Variants in MALRD1 observed in about 807,000 individuals in gnomAD.
MALRD1 encodes the protein MAM and LDL receptor class A domain containing 1.
Under a neutral mutation model 242.1 loss-of-function variants are expected in MALRD1, and 247 were observed. The observed-to-expected ratio is 1.02, with a 90% CI of 0.92 to 1.13. MALRD1 has a LOEUF of 1.13. Ranked by LOEUF, MALRD1 falls within the 50% of genes most tolerant of loss-of-function variation. MALRD1 has a pLI of 0.00. For missense variants in MALRD1, 2,989 were observed against 2,533.1 expected (o/e 1.18, Z -3.86); for synonymous variants, 995 against 866.6 (o/e 1.15, Z -2.60).
chr10:19,334,119 GTTTTTTT>G (rs56931838), intron 24 of MALRD1, among the ~76,000 whole-genome samples: 7 of 66,790 alleles, frequency 1.0e-4, no homozygotes, highest in Admixed American at 2.2e-4. Context: ...CTGTTGGTAG[GTTTTTTT>G]TTTTTTTTTT....
rs78466964 is a variant in MALRD1 at position 19,507,174 on chromosome 10, T to C, written c.5320+8528T>C. Among the ~76,000 whole-genome samples, 889 of 152,138 alleles carry C rather than the reference T, an allele frequency of 5.8e-3. 14 individuals carry two copies. The highest frequency in any genetic ancestry group is 0.023 in the Admixed American group (347 of 15,282). The stretch of plus-strand genomic sequence containing the variant: ...GCCATAAGGGAGGGATCTTCCGCCA[T>C]GATCCAGTCACCTCTCACCAGGCCC... On this transcript the variant is annotated intron_variant, in intron 31 of 39. Coordinates refer to ENST00000454679, the MANE Select transcript of MALRD1 (RefSeq NM_001142308.3).
chr10:19,369,386 A>T (rs1038524493), intron 26 of MALRD1, among the ~76,000 whole-genome samples: 2 of 81,788 alleles, frequency 2.4e-5, no homozygotes, highest in African/African-American at 1.2e-4. Flanking sequence ...ATATTGAAAT[A>T]TATTTATATA....
At chr10:19,450,761 G>T (rs1835278610) in intron 29 of MALRD1, among the ~76,000 whole-genome samples, 1 of 152,194 alleles carries the variant, frequency 6.6e-6, no homozygotes, top group African/African-American at 2.4e-5. Context: ...AGGCTGGGAA[G>T]TCCAAGATCA....
At chr10:19,248,884 C>A (rs1391841784) in intron 18 of MALRD1, among the ~76,000 whole-genome samples, 3 of 148,102 alleles carry the variant, frequency 2.0e-5, no homozygotes. Context: ...AGATATATAA[C>A]ATATATGATA....
At chr10:19,443,594 G>C (rs904790419) in intron 28 of MALRD1, among the ~76,000 whole-genome samples, 1 of 152,180 alleles carries the variant, frequency 6.6e-6, no homozygotes, top group Non-Finnish European at 1.5e-5. Flanking sequence ...TAGTCATTCA[G>C]GAGCAGGTTG....
At chr10:19,081,877 A>C (rs1835502471) in intron 2 of MALRD1, among the ~76,000 whole-genome samples, 1 of 152,024 alleles carries the variant, frequency 6.6e-6, no homozygotes, top group African/African-American at 2.4e-5. Flanking sequence ...TTTTACTTTT[A>C]ACCTTTTTCT....
intron 28 of MALRD1, among the ~76,000 whole-genome samples, chr10:19,420,106 G>A (rs545102669): frequency 6.6e-6 from 1 of 152,296 alleles, no homozygotes; most frequent in South Asian, 2.1e-4. Context: ...GGACAAGGGA[G>A]GGGAAGGGGT....
chr10:19,104,884 T>C (rs1452502058), intron 5 of MALRD1, among the ~76,000 whole-genome samples: 1 of 152,032 alleles, frequency 6.6e-6, no homozygotes, highest in African/African-American at 2.4e-5. Flanking sequence ...TTGAAAAGTT[T>C]TATTTTATTT....
At chr10:19,113,907 A>T (rs1344807215) in intron 5 of MALRD1, among the ~76,000 whole-genome samples, 1 of 151,994 alleles carries the variant, frequency 6.6e-6, no homozygotes, top group Non-Finnish European at 1.5e-5. Context: ...CATAGTTCCT[A>T]CCCTGTCTAA....
At chr10:19,356,000 A>T (rs1201020453) in intron 26 of MALRD1, among the ~76,000 whole-genome samples, 1 of 150,582 alleles carries the variant, frequency 6.6e-6, no homozygotes. Flanking sequence ...TTTTAAGCAG[A>T]GTGTAATTCG....
At chr10:19,442,280 C>T (rs1417131943) in intron 28 of MALRD1, among the ~76,000 whole-genome samples, 1 of 152,186 alleles carries the variant, frequency 6.6e-6, no homozygotes, top group Non-Finnish European at 1.5e-5. Flanking sequence ...CATCTGCAAA[C>T]AGGGACAATT....
chr10:19,387,910 GT>G (rs893426958), intron 27 of MALRD1, 137 bp downstream of exon 27: 22 of 1,127,648 alleles, frequency 2.0e-5, no homozygotes, highest in Non-Finnish European at 2.5e-5. Flanking sequence ...TTTAGTGAGT[GT>G]TTTTTTTCTT....
intron 2 of MALRD1, among the ~76,000 whole-genome samples, chr10:19,081,362 C>A (rs1462233954): frequency 6.6e-6 from 1 of 152,066 alleles, no homozygotes; most frequent in African/African-American, 2.4e-5. Context: ...ATGGAACTAA[C>A]CCAAATGCCC....
chr10:19,627,039 A>G (rs553501810), intron 36 of MALRD1, among the ~76,000 whole-genome samples: 38 of 152,284 alleles, frequency 2.5e-4, no homozygotes, highest in African/African-American at 7.7e-4. Flanking sequence ...AAAGTCTACA[A>G]ATAGCTTAAC....
chr10:19,183,963 T>A (rs1019653726), intron 14 of MALRD1, among the ~76,000 whole-genome samples: 10 of 152,276 alleles, frequency 6.6e-5, no homozygotes, highest in Non-Finnish European at 1.3e-4. Flanking sequence ...TGTTAAATTA[T>A]CTCTGATTTT....
At chr10:19,106,680 G>A (rs577227451) in intron 5 of MALRD1, among the ~76,000 whole-genome samples, 69 of 151,776 alleles carry the variant, frequency 4.5e-4, no homozygotes, top group Non-Finnish European at 8.9e-4. Flanking sequence ...CTAATTTGGG[G>A]TTTAGTTTCT....
intron 5 of MALRD1, among the ~76,000 whole-genome samples, chr10:19,112,212 T>A (rs1324581644): frequency 3.3e-5 from 5 of 151,476 alleles, no homozygotes; most frequent in African/African-American, 1.2e-4. Context: ...GACTAGCATT[T>A]GGGAACCACA....
chr10:19,596,646 G>T (rs1838113045), intron 34 of MALRD1, among the ~76,000 whole-genome samples: 2 of 151,946 alleles, frequency 1.3e-5, no homozygotes, highest in Admixed American at 1.3e-4. Context: ...TGGAAGGATT[G>T]CTTGGGCCCA....
At chr10:19,723,317 C>T (rs1834857208) in intron 38 of MALRD1, among the ~76,000 whole-genome samples, 1 of 152,148 alleles carries the variant, frequency 6.6e-6, no homozygotes, top group Non-Finnish European at 1.5e-5. Context: ...ATTCTTCATA[C>T]TTTCGAGTGG....
Sources: gnomAD v4.1 joint callset for allele counts (sites outside exome capture counted in the v4.1 genomes callset) on GRCh38, gnomAD v4.1.1 for gene constraint, MANE v1.5 for transcripts, NCBI Gene and HGNC (gene_info 2026-07-23, HGNC 2026-07-21) for gene names.